WHAMM: variants seen among roughly 807,000 people sequenced by gnomAD.
WHAMM encodes the protein WASP homolog-associated protein with actin, membranes and microtubules.
WHAMM carries 67 observed loss-of-function variants against 76.5 expected under a neutral mutation model. That is an observed-to-expected ratio of 0.88 (90% CI 0.72 to 1.07). WHAMM has a LOEUF of 1.07. Ranked by LOEUF, WHAMM falls within the 50% of genes least tolerant of loss-of-function variation. The pLI, the probability that WHAMM is intolerant of heterozygous loss-of-function variation, is 0.00. For synonymous variants in WHAMM, 419 were observed against 422.1 expected, an observed-to-expected ratio of 0.99 and a Z score of 0.09; for missense variants, 1,021 against 1,051.1, an observed-to-expected ratio of 0.97 and a Z score of 0.40.
At position 82,816,741 on chromosome 15, in the gene WHAMM, A is replaced by G. The variant is rs749669732; in HGVS notation, c.833A>G (p.Glu278Gly). 4 of 1,558,396 alleles carry G rather than the reference A, an allele frequency of 2.6e-6. No homozygotes were observed. The highest frequency in any genetic ancestry group is 3.5e-6 in the Non-Finnish European group (4 of 1,149,938). ...DLGPRRVVAL[E>G]KEAEEWTRRA... Reference sequence around the variant, plus strand: ...GGTCCTAGAAGGGTAGTTGCCCTGGAGAAAGAAGCTGAAGAATGGACCAGA... The same window carrying G: ...GGTCCTAGAAGGGTAGTTGCCCTGGGGAAAGAAGCTGAAGAATGGACCAGA... The change falls in exon 3 of 10, where the codon GAG becomes GGG. Residue 278 changes from glutamate (E) to glycine (G), a missense_variant. Around this residue, in one of 3 missense-constraint regions of WHAMM, gnomAD observed 501 missense variants for 524.9 expected, o/e 0.95. Transcript: ENST00000286760.
chr15:82,826,282 C>T (rs752448212), intron 6 of WHAMM, 128 bp from the exon 7 acceptor site: 31 of 899,920 alleles, frequency 3.4e-5, no homozygotes, highest in Admixed American at 6.6e-5. Context: ...ACCATTGGGC[C>T]GCTCCAGAAC....
At chr15:82,821,064 A>G (rs1383885185) in intron 5 of WHAMM, among the ~76,000 whole-genome samples, 2 of 152,156 alleles carry the variant, frequency 1.3e-5, no homozygotes, top group Non-Finnish European at 2.9e-5. Flanking sequence ...ATTGAACAAA[A>G]TTTTGTATGT....
intron 7 of WHAMM, 113 bp from the exon 8 acceptor site, chr15:82,826,638 G>C: frequency 6.4e-7 from 1 of 1,558,710 alleles, no homozygotes; most frequent in Non-Finnish European, 8.7e-7. Flanking sequence ...GCGCAGCCTT[G>C]GGGTGGTAAT....
Position 82,809,960 on chromosome 15 carries a change from G to C in WHAMM, c.234G>C (p.Trp78Cys). The C allele has an allele frequency of 1.5e-6, 2 of 1,369,432 alleles. No homozygotes were observed. The highest frequency in any genetic ancestry group is 1.9e-6 in the Non-Finnish European group (2 of 1,058,322). The allele number at this position is 1,369,432 out of a possible 1,614,324, so 84.8% of individuals were successfully genotyped here. Residue 78 changes from tryptophan (W) to cysteine (C), a missense_variant, in exon 1 of 10, where the codon TGG (tryptophan) becomes TGC (cysteine). Physicochemically the swap from Trp to Cys is radical, Grantham distance 215. This residue lies in a region of WHAMM where 501 missense variants were observed against 524.9 expected (regional missense o/e 0.95). Coordinates refer to ENST00000286760, the MANE Select transcript of WHAMM (RefSeq NM_001080435.3). ...KPEAAVSPSSWAGLLSAAGLR... is the reference protein window; with the variant it reads ...KPEAAVSPSSCAGLLSAAGLR... ...AGGCCGCCGTCTCCCCGTCCAGCTG[G>C]GCCGGCCTGCTCTCGGCCGCGGGGC...
At chr15:82,810,442 G>A in intron 1 of WHAMM, 107 bp downstream of exon 1, 1 of 1,220,730 alleles carries the variant, frequency 8.2e-7, no homozygotes, top group Non-Finnish European at 1.0e-6. Flanking sequence ...ACGGGGAGGA[G>A]CCGGCGGGCG....
chr15:82,810,584 C>T (rs1192364729), intron 1 of WHAMM: 1 of 985,322 alleles, frequency 1.0e-6, no homozygotes, highest in African/African-American at 1.7e-5. Context: ...GGGAGCTGGG[C>T]TAGGCCCCCA....
chr15:82,830,616 TG>T lies in WHAMM; in HGVS notation c.1660del (p.Val554SerfsTer32). The T allele has an allele frequency of 1.2e-6, 2 of 1,611,894 alleles. No homozygotes were observed. Among genetic ancestry groups the T allele is most frequent in the South Asian group, 2.2e-5 (2 of 91,054 alleles). ...ATTTTCAGAAACGCCTAGCTCAATC[TG>T]TCCGAAACACCTCTGGCTCAGAACC... The part of the protein sequence containing the change: ...SFKDKRLAQS[V>X]RNTSGSEPVA... On this transcript the variant is annotated frameshift_variant, in exon 9 of 10. Coordinates refer to ENST00000286760, the MANE Select transcript of WHAMM (RefSeq NM_001080435.3). LOFTEE classifies it high-confidence loss of function.
Position 82,816,936 on chromosome 15 carries a change from T to C in WHAMM, c.934+94T>C. 1.1e-5 allele frequency: 14 copies of C among 1,262,412 alleles called. No homozygotes were observed. In the South Asian group the frequency reaches 2.2e-4, roughly 20 times the overall value. 78.2% of individuals were successfully genotyped at this position (1,262,412 alleles called of 1,614,324 possible). A position where few individuals can be genotyped will look rare whatever the true frequency, so the allele number is the denominator to read the frequency against. On this transcript the variant is annotated intron_variant, in intron 3 of 9. Transcript: ENST00000286760. ...AGTCCCTCTTACGCACTAGGTACTA[T>C]GTTTTCTAGGTGCTGAGAATTCAGT...
At chr15:82,822,158 T>A (rs917962488) in intron 5 of WHAMM, among the ~76,000 whole-genome samples, 3 of 152,026 alleles carry the variant, frequency 2.0e-5, no homozygotes, top group African/African-American at 7.2e-5. Context: ...AGCATGGCTT[T>A]AAAAAAAATC....
rs180758302 is a variant in WHAMM at position 82,833,316 on chromosome 15, C to T, written c.2210C>T (p.Ala737Val). 2.2e-5 allele frequency: 35 copies of T among 1,614,008 alleles called. No individual in the cohort carries two copies. The Admixed American group carries it at 4.5e-4, about 21-fold the overall frequency. Residue 737 changes from alanine (A) to valine (V), a missense_variant, in exon 10 of 10, where the codon GCC (alanine) becomes GTC (valine). Ala to Val is a moderately conservative substitution (Grantham distance 64, BLOSUM62 0). This residue lies in a region of WHAMM where 509 missense variants were observed against 492.3 expected (regional missense o/e 1.03). Coordinates refer to ENST00000286760, the MANE Select transcript of WHAMM (RefSeq NM_001080435.3). ...VEVPAVRPPH[A>V]SINEHILAAI... Reference sequence around the variant, plus strand: ...GTGCCGGCGGTGCGCCCTCCCCACGCCTCAATCAATGAGCACATTCTGGCT... The same window carrying T: ...GTGCCGGCGGTGCGCCCTCCCCACGTCTCAATCAATGAGCACATTCTGGCT...
In WHAMM at chr15:82,833,678, G is replaced by T. The variant is rs1207151258; in HGVS notation, c.*142G>T. ...AGATCAGCAGGGCCTTGTGTAGGCT[G>T]CTGCAGCATTTTTTTTTTTTTTCTT... On this transcript the variant is annotated 3_prime_UTR_variant, in exon 10 of 10. Coordinates refer to ENST00000286760, the MANE Select transcript of WHAMM (RefSeq NM_001080435.3). The T allele has an allele frequency of 1.0e-5, 9 of 900,024 alleles. No homozygotes were observed. The Admixed American group carries it at 2.6e-4, about 26-fold the overall frequency. The allele number at this position is 900,024 out of a possible 1,614,324, so 55.8% of individuals were successfully genotyped here.
In WHAMM at chr15:82,834,999, C is replaced by T. The variant is rs922227858; in HGVS notation, c.*1463C>T. ...GTCCGTTCATTTCTCAGACTGCGAG[C>T]ATCCCTACTAACCTCATCACCCTCA... On this transcript the variant is annotated 3_prime_UTR_variant, in exon 10 of 10. Transcript: ENST00000286760. 2 of 152,198 alleles carry T rather than the reference C, an allele frequency of 1.3e-5. No individual in the cohort carries two copies. Among genetic ancestry groups the T allele is most frequent in the Non-Finnish European group, 2.9e-5 (2 of 68,028 alleles). The allele number at this position is 152,198 out of a possible 1,614,324, so 9.4% of individuals were successfully genotyped here.
intron 1 of WHAMM, among the ~76,000 whole-genome samples, chr15:82,810,882 CT>C (rs201322325): frequency 0.011 from 1,713 of 152,174 alleles, 14 homozygotes; most frequent in Non-Finnish European, 0.019. Flanking sequence ...CATTAGTGCC[CT>C]TTTAAGCTTG....
chr15:82,809,811 C>G lies in WHAMM; in HGVS notation c.85C>G (p.Arg29Gly). The change falls in exon 1 of 10, where the codon CGC becomes GGC. Residue 29 changes from arginine (R) to glycine (G), a missense_variant. Transcript: ENST00000286760. ...LFAEPERHRLRFLVAWNGAEG... is the reference protein window; with the variant it reads ...LFAEPERHRLGFLVAWNGAEG... ...CGCCGAGCCCGAGAGGCACCGGCTG[C>G]GCTTCCTGGTGGCCTGGAACGGCGC... 3 of 1,602,008 alleles carry G rather than the reference C, an allele frequency of 1.9e-6. No individual in the cohort carries two copies. The highest frequency in any genetic ancestry group is 2.6e-6 in the Non-Finnish European group (3 of 1,174,938).
chr15:82,825,745 G>C (rs1282858082), intron 6 of WHAMM, among the ~76,000 whole-genome samples: 1 of 150,662 alleles, frequency 6.6e-6, no homozygotes, highest in Non-Finnish European at 1.5e-5. Flanking sequence ...CCGAGATCAC[G>C]CCACTGCACT....
Position 82,820,317 on chromosome 15 carries a change from G to A in WHAMM, c.1270+829G>A, listed in dbSNP as rs905490199. ...TAAAAGTATCAAAATTTTAATGGCT[G>A]CATAGTATTCCATTATATGGATATA... On this transcript the variant is annotated intron_variant, in intron 5 of 9. Transcript: ENST00000286760. Among the ~76,000 whole-genome samples the A allele has an allele frequency of 3.9e-5, 6 of 152,096 alleles. No homozygotes were observed. In the South Asian group the frequency reaches 6.2e-4, roughly 16 times the overall value.
intron 5 of WHAMM, among the ~76,000 whole-genome samples, chr15:82,822,718 G>A (rs1473450971): frequency 2.0e-5 from 3 of 152,192 alleles, no homozygotes; most frequent in Non-Finnish European, 2.9e-5. Flanking sequence ...GATTACAGGC[G>A]TGAGCCCCTG....
At chr15:82,829,590 A>G (rs922365607) in intron 8 of WHAMM, among the ~76,000 whole-genome samples, 9 of 152,124 alleles carry the variant, frequency 5.9e-5, no homozygotes, top group Middle Eastern at 6.8e-3. Context: ...TGACATTGCT[A>G]TTTGTCCTGA....
In WHAMM at chr15:82,834,635, C is replaced by T. The variant is rs551281540; in HGVS notation, c.*1099C>T. On this transcript the variant is annotated 3_prime_UTR_variant, in exon 10 of 10. Transcript: ENST00000286760. ...ATGTGAATGTTATTTTATCAGTAAT[C>T]AGAATAAATTGCTTATATTCAGGAG... 5.7e-4 allele frequency: 87 copies of T among 152,682 alleles called. No individual in the cohort carries two copies. Among genetic ancestry groups the T allele is most frequent in the African/African-American group, 1.9e-3 (80 of 41,546 alleles). 9.5% of individuals were successfully genotyped at this position (152,682 alleles called of 1,614,324 possible).
Sources: gnomAD v4.1 joint callset for allele counts (sites outside exome capture counted in the v4.1 genomes callset) on GRCh38, gnomAD v4.1.1 for gene constraint, gnomAD v4.1.1 regional missense constraint, MANE v1.5 for transcripts, NCBI Gene and HGNC (gene_info 2026-07-23, HGNC 2026-07-21) for gene names.